Variants in CYP4B1 observed in about 807,000 individuals in gnomAD.
The protein encoded by CYP4B1 is cytochrome P450 family 4 subfamily B member 1.
CYP4B1 carries 45 observed loss-of-function variants against 54.0 expected under a neutral mutation model. The observed-to-expected ratio is 0.83, with a 90% CI of 0.66 to 1.07. CYP4B1 has a LOEUF of 1.07. CYP4B1 is among the 50% of genes least tolerant of loss of function. The pLI, the probability that CYP4B1 is intolerant of heterozygous loss-of-function variation, is 0.00. For synonymous variants in CYP4B1, 248 were observed against 247.5 expected, an observed-to-expected ratio of 1.00 and a Z score of -0.02; for missense variants, 656 against 655.4, an observed-to-expected ratio of 1.00 and a Z score of -0.01.
In CYP4B1 at chr1:46,811,201, C is replaced by T. The variant is rs1196394583; in HGVS notation, c.367+17C>T. 4 of 1,613,754 alleles carry T rather than the reference C, an allele frequency of 2.5e-6. No individual in the cohort carries two copies. The highest frequency in any genetic ancestry group is 1.7e-5 in the Admixed American group (1 of 60,022). On this transcript the variant is annotated intron_variant, in intron 3 of 11. Coordinates refer to ENST00000371923, the MANE Select transcript of CYP4B1 (RefSeq NM_001099772.2). ...AGTGGATTGGTGAGTGAGCACCTGC[C>T]TTCCCTGCCCTGCCAACCTCAGACC...
intron 8 of CYP4B1, 76 bp from the exon 9 acceptor site, chr1:46,816,972 C>A: frequency 6.4e-7 from 1 of 1,556,780 alleles, no homozygotes. Context: ...GGGAGGAAAA[C>A]TGGGGCTGGG....
intron 8 of CYP4B1, among the ~76,000 whole-genome samples, chr1:46,815,801 A>C (rs1435713402): frequency 3.3e-5 from 5 of 152,170 alleles, no homozygotes; most frequent in Non-Finnish European, 7.4e-5. Flanking sequence ...ACTCCTAAAC[A>C]CTTAAGGATT....
At chr1:46,812,434 G>T in intron 3 of CYP4B1, 62 bp from the exon 4 acceptor site, 2 of 1,546,004 alleles carry the variant, frequency 1.3e-6, no homozygotes, top group Non-Finnish European at 1.8e-6. Flanking sequence ...TGTAGGATGT[G>T]CTTAGCCCCA....
chr1:46,801,187 A>G lies in CYP4B1; in HGVS notation c.180+1926A>G, dbSNP rs1678648006. Among the ~76,000 whole-genome samples the G allele has an allele frequency of 5.3e-5, 8 of 152,220 alleles. No individual in the cohort carries two copies. The South Asian group carries it at 1.7e-3, about 32-fold the overall frequency. On this transcript the variant is annotated intron_variant, in intron 1 of 11. Coordinates refer to ENST00000371923, the MANE Select transcript of CYP4B1 (RefSeq NM_001099772.2). The stretch of plus-strand genomic sequence containing the variant: ...AGAGGAGAAAGCATGAGGGAGAAGA[A>G]AAGCAAAGGGACCAGGAGGGCTTGG...
chr1:46,799,315 G>C, intron 1 of CYP4B1, 54 bp downstream of exon 1: 1 of 1,504,132 alleles, frequency 6.6e-7, no homozygotes, highest in Non-Finnish European at 9.0e-7. Flanking sequence ...CCTCCTTTCA[G>C]AGAATCAGGC....
chr1:46,817,981 G>GCATATCTATGCCCTC lies in CYP4B1; in HGVS notation c.1229_1243dup (p.Ile410_His414dup), dbSNP rs1291986489. 1.9e-6 allele frequency: 3 copies of GCATATCTATGCCCTC among 1,614,158 alleles called. No individual in the cohort carries two copies. The South Asian group carries it at 3.3e-5, about 18-fold the overall frequency. On this transcript the variant is annotated inframe_insertion, in exon 10 of 12. Transcript: ENST00000371923. ...TGCCCACAGGAAGCCTGATCTCTATGCATATCTATGCCCTCCATAGGAACA... is the reference window on the plus strand; with the variant it reads ...TGCCCACAGGAAGCCTGATCTCTATGCATATCTATGCCCTCCATATCTATGCCCTCCATAGGAACA...
Position 46,813,538 on chromosome 1 carries a change from G to T in CYP4B1, c.552G>T (p.Val184=). 6.2e-7 allele frequency: 1 copy of T among 1,614,208 alleles called. No homozygotes were observed. The highest frequency in any genetic ancestry group is 8.5e-7 in the Non-Finnish European group (1 of 1,180,038). Residue 184 remains valine (V), a synonymous_variant, in exon 5 of 12, where the codon GTG becomes GTT. Transcript: ENST00000371923. ...AGTCCTTTGACATCTTCTGCGATGT[G>T]GGTCACATGGCGCTGAACACACTCA... ...EGKSFDIFCD[V]GHMALNTLMK...
intron 1 of CYP4B1, among the ~76,000 whole-genome samples, chr1:46,802,185 G>A (rs950248223): frequency 1.9e-4 from 29 of 151,840 alleles, no homozygotes; most frequent in African/African-American, 7.0e-4. Context: ...AAATTGGTGT[G>A]TGTGGGTGTG....
chr1:46,801,889 G>T (rs1230620936), intron 1 of CYP4B1, among the ~76,000 whole-genome samples: 1 of 152,192 alleles, frequency 6.6e-6, no homozygotes, highest in Admixed American at 6.5e-5. Context: ...GCAATGATGG[G>T]AGTAGGAAGG....
chr1:46,813,906 T>TAGCAGGGAC lies in CYP4B1; in HGVS notation c.624_632dup. 6.2e-7 allele frequency: 1 copy of TAGCAGGGAC among 1,614,046 alleles called. No homozygotes were observed. Among genetic ancestry groups the TAGCAGGGAC allele is most frequent in the Non-Finnish European group, 8.5e-7 (1 of 1,179,954 alleles). On this transcript the variant is annotated splice_region_variant and splice_polypyrimidine_tract_variant and intron_variant, in intron 5 of 11. Coordinates refer to ENST00000371923, the MANE Select transcript of CYP4B1 (RefSeq NM_001099772.2). ...CCAATCCCTCCTCCTACCCTCTGCT[T>TAGCAGGGAC]AGCAGGGACAGCAGCTACTACCTTG...
At chr1:46,815,761 GT>G (rs1679311457) in intron 8 of CYP4B1, among the ~76,000 whole-genome samples, 1 of 152,176 alleles carries the variant, frequency 6.6e-6, no homozygotes, top group Non-Finnish European at 1.5e-5. Flanking sequence ...ACTTTCCATT[GT>G]TTTCCCCTGT....
intron 7 of CYP4B1, chr1:46,814,800 T>C (rs1357535659): frequency 2.1e-6 from 1 of 466,456 alleles, no homozygotes; most frequent in Non-Finnish European, 3.8e-6. Context: ...CTCTGGCAGG[T>C]GGTATTCTAT....
rs183371507 is a variant in CYP4B1, at chr1:46,799,154, G to A, written c.73G>A (p.Gly25Ser). Reference sequence around the variant, plus strand: ...GGCTTCTGGGCTGATCTTGGTCTTAGGCTTTCTCAAGCTCATCCACCTGCT... The same window carrying A: ...GGCTTCTGGGCTGATCTTGGTCTTAAGCTTTCTCAAGCTCATCCACCTGCT... ...LWASGLILVLGFLKLIHLLLR... is the reference protein window; with the variant it reads ...LWASGLILVLSFLKLIHLLLR... The change falls in exon 1 of 12, where the codon GGC becomes AGC. Residue 25 changes from glycine to serine, a missense_variant. Coordinates refer to ENST00000371923, the MANE Select transcript of CYP4B1 (RefSeq NM_001099772.2). 3.1e-6 allele frequency: 5 copies of A among 1,613,750 alleles called. No individual in the cohort carries two copies. The African/African-American group carries it at 4.0e-5, about 13-fold the overall frequency.
intron 1 of CYP4B1, among the ~76,000 whole-genome samples, chr1:46,809,393 T>G (rs901279019): frequency 2.0e-5 from 3 of 152,214 alleles, no homozygotes; most frequent in African/African-American, 7.2e-5. Flanking sequence ...TGGACATTTT[T>G]CCCTTCCTAA....
chr1:46,810,151 T>A (rs911387356), intron 1 of CYP4B1, among the ~76,000 whole-genome samples: 2 of 152,200 alleles, frequency 1.3e-5, no homozygotes, highest in African/African-American at 4.8e-5. Context: ...ATCCTTCAAG[T>A]TTCACCTTAA....
intron 8 of CYP4B1, among the ~76,000 whole-genome samples, chr1:46,816,180 C>A (rs1679326563): frequency 6.6e-6 from 1 of 152,150 alleles, no homozygotes; most frequent in East Asian, 1.9e-4. Flanking sequence ...AGCCATGCTG[C>A]TCGTGGGGAG....
chr1:46,816,874 T>A (rs1026161157), intron 8 of CYP4B1, among the ~76,000 whole-genome samples, 174 bp from the exon 9 acceptor site: 3 of 152,074 alleles, frequency 2.0e-5, no homozygotes, highest in African/African-American at 7.2e-5. Flanking sequence ...ATCCTTTAGA[T>A]CTGAGTGTTC....
intron 7 of CYP4B1, 21 bp downstream of exon 7, chr1:46,814,336 C>A (rs745503494): frequency 6.9e-6 from 11 of 1,584,694 alleles, no homozygotes; most frequent in Non-Finnish European, 8.6e-6. Flanking sequence ...TGTTGCCCAC[C>A]CCTACCTGAG....
chr1:46,810,515 G>A (rs1366268225), intron 1 of CYP4B1, among the ~76,000 whole-genome samples: 1 of 152,192 alleles, frequency 6.6e-6, no homozygotes, highest in Admixed American at 6.5e-5. Flanking sequence ...AGCACTTTCT[G>A]GCTGCAGTGC....
Sources: gnomAD v4.1 joint callset for allele counts (sites outside exome capture counted in the v4.1 genomes callset) on GRCh38, gnomAD v4.1.1 for gene constraint, MANE v1.5 for transcripts, NCBI Gene and HGNC (gene_info 2026-07-23, HGNC 2026-07-21) for gene names.